The following PEAK1 variants were observed in gnomAD, a reference collection of about 807,000 sequenced individuals.
The protein encoded by PEAK1 is pseudopodium enriched atypical kinase 1.
In PEAK1, 54 loss-of-function variants were observed where a neutral mutation model predicts 124.7. That is an observed-to-expected ratio of 0.43 (90% CI 0.35 to 0.54). The LOEUF is 0.54. PEAK1 is among the 20% of genes least tolerant of loss of function. The pLI, the probability that PEAK1 is intolerant of heterozygous loss-of-function variation, is 0.01. For synonymous variants in PEAK1, 719 were observed against 760.0 expected, an observed-to-expected ratio of 0.95 and a Z score of 0.89; for missense variants, 2,046 against 2,134.5, an observed-to-expected ratio of 0.96 and a Z score of 0.82.
chr15:77,312,551 C>T (rs1292674377), intron 2 of PEAK1, among the ~76,000 whole-genome samples: 1 of 152,228 alleles, frequency 6.6e-6, no homozygotes, highest in Admixed American at 6.5e-5. Context: ...AATTTAAACA[C>T]ACAGGATTTT....
At position 77,108,366 on chromosome 15, in the gene PEAK1, C is replaced by A. The variant is rs986798832; in HGVS notation, c.*5790G>T. ...AAGATTTTCAAATACAGAGTGTGGG[C>A]AGGGCCAGAGAGAATTAAAGAGAGA... On this transcript the variant is annotated 3_prime_UTR_variant, in exon 10 of 10. Coordinates refer to ENST00000682557, the MANE Select transcript of PEAK1 (RefSeq NM_001385026.1). The A allele has an allele frequency of 9.9e-5, 15 of 152,168 alleles. No individual in the cohort carries two copies. Among genetic ancestry groups the A allele is most frequent in the African/African-American group, 3.6e-4 (15 of 41,434 alleles). 9.4% of individuals were successfully genotyped at this position (152,168 alleles called of 1,614,324 possible).
intron 5 of PEAK1, among the ~76,000 whole-genome samples, chr15:77,253,389 C>A (rs919020424): frequency 3.9e-5 from 6 of 152,076 alleles, no homozygotes; most frequent in African/African-American, 1.4e-4. Flanking sequence ...TACCATTCAA[C>A]TTTTGTTTTA....
chr15:77,338,605 TA>T (rs1045897477), intron 2 of PEAK1, among the ~76,000 whole-genome samples: 12 of 142,522 alleles, frequency 8.4e-5, no homozygotes, highest in African/African-American at 2.9e-4. Flanking sequence ...ATATACATTC[TA>T]AAAAACATAC....
At chr15:77,157,786 C>T (rs2055286928) in intron 8 of PEAK1, 2 of 152,172 alleles carry the variant, frequency 1.3e-5, no homozygotes, top group South Asian at 4.1e-4. Flanking sequence ...TTGAGGCCTC[C>T]CTTTCTCATG....
At chr15:77,347,198 A>G in intron 2 of PEAK1, 1 of 978,100 alleles carries the variant, frequency 1.0e-6, no homozygotes, top group Non-Finnish European at 1.2e-6. Context: ...GGCAGAAGAT[A>G]AGATCTCTTC....
chr15:77,229,873 T>C (rs989242363), intron 6 of PEAK1, among the ~76,000 whole-genome samples: 6 of 151,962 alleles, frequency 3.9e-5, no homozygotes, highest in Non-Finnish European at 8.8e-5. Context: ...TCTCACACTC[T>C]CAACCTCAGG....
In PEAK1 at chr15:77,354,534, TC is replaced by T. The variant is rs539438843; in HGVS notation, c.-603+10628del. The stretch of plus-strand genomic sequence containing the variant: ...GTGAGAATCCTTCAAGAGCTCCCAA[TC>T]AAAACCCTTTGATACAGCTTACAGG... On this transcript the variant is annotated intron_variant, in intron 2 of 9. Transcript: ENST00000682557. 8.7e-3 allele frequency among the ~76,000 whole-genome samples: 1,329 copies of T among 152,312 alleles called. 7 individuals are homozygous for T. The highest frequency in any genetic ancestry group is 0.014 in the Non-Finnish European group (986 of 68,020).
chr15:77,223,530 T>C lies in PEAK1; in HGVS notation c.-115+28837A>G, dbSNP rs561306967. Among the ~76,000 whole-genome samples the C allele has an allele frequency of 2.3e-3, 345 of 152,194 alleles. 2 individuals carry two copies. Among genetic ancestry groups the C allele is most frequent in the Non-Finnish European group, 2.2e-3 (149 of 67,968 alleles). On this transcript the variant is annotated intron_variant, in intron 6 of 9. Transcript: ENST00000682557. Reference sequence around the variant, plus strand: ...CCCACAAAACACATTTGTGTGTGTGTCGACAGTAGTCTCTAATACTGTGGC... The same window carrying C: ...CCCACAAAACACATTTGTGTGTGTGCCGACAGTAGTCTCTAATACTGTGGC...
At chr15:77,324,216 G>A (rs149586577) in intron 2 of PEAK1, among the ~76,000 whole-genome samples, 16 of 152,172 alleles carry the variant, frequency 1.1e-4, no homozygotes, top group Non-Finnish European at 1.6e-4. Context: ...GATGGCTCAC[G>A]CCTGTAATCC....
chr15:77,231,205 T>C (rs911901143), intron 6 of PEAK1, among the ~76,000 whole-genome samples: 1 of 151,990 alleles, frequency 6.6e-6, no homozygotes, highest in African/African-American at 2.4e-5. Context: ...TAATTGAGAA[T>C]AGATGTGGGG....
intron 6 of PEAK1, among the ~76,000 whole-genome samples, chr15:77,217,954 T>C (rs2059221357): frequency 6.6e-6 from 1 of 152,202 alleles, no homozygotes; most frequent in African/African-American, 2.4e-5. Context: ...GAAGTGATTT[T>C]TGTCTATTGA....
chr15:77,407,995 ATACACACACG>A (rs1227146148), intron 1 of PEAK1, among the ~76,000 whole-genome samples: 1 of 151,288 alleles, frequency 6.6e-6, no homozygotes, highest in East Asian at 1.9e-4. Flanking sequence ...ATATATACAC[ATACACACACG>A]TACACATATA....
At chr15:77,355,402 C>T (rs1446175215) in intron 2 of PEAK1, among the ~76,000 whole-genome samples, 1 of 152,072 alleles carries the variant, frequency 6.6e-6, no homozygotes, top group African/African-American at 2.4e-5. Flanking sequence ...AATTCATGGG[C>T]CATTTTGGGC....
At chr15:77,399,984 C>T (rs139760922) in intron 1 of PEAK1, among the ~76,000 whole-genome samples, 1 of 152,118 alleles carries the variant, frequency 6.6e-6, no homozygotes, top group Admixed American at 6.5e-5. Context: ...ATCTAATAAT[C>T]TGATTTTAAA....
chr15:77,274,047 T>C (rs186878974), intron 5 of PEAK1, among the ~76,000 whole-genome samples: 71 of 152,194 alleles, frequency 4.7e-4, no homozygotes, highest in African/African-American at 1.7e-3. Flanking sequence ...ATTCAACAAA[T>C]GGTGCTGGGA....
Position 77,181,724 on chromosome 15 carries a change from T to A in PEAK1, c.203A>T (p.Lys68Ile), listed in dbSNP as rs1342057096. 6.2e-7 allele frequency: 1 copy of A among 1,614,070 alleles called. No homozygotes were observed. Among genetic ancestry groups the A allele is most frequent in the Admixed American group, 1.7e-5 (1 of 60,002 alleles). The change falls in exon 7 of 10, where the codon AAA becomes ATA. Residue 68 changes from lysine to isoleucine, a missense_variant. Physicochemically the swap from Lys to Ile is moderately radical, Grantham distance 102. Transcript: ENST00000682557. ...TGNFRPPVAK[K>I]PTIAVKPTMI... ...AGTGGGCTTCACAGCTATAGTGGGT[T>A]TTTTAGCCACAGGAGGCCGGAAATT...
intron 7 of PEAK1, among the ~76,000 whole-genome samples, chr15:77,159,553 A>G (rs1202173225): frequency 2.0e-5 from 3 of 152,178 alleles, no homozygotes; most frequent in Non-Finnish European, 4.4e-5. Context: ...ATTCAAAATC[A>G]TGCATCTTTA....
chr15:77,137,535 T>C lies in PEAK1; in HGVS notation c.3332-3785A>G, dbSNP rs371468399. Among the ~76,000 whole-genome samples, 16 of 152,326 alleles carry C rather than the reference T, an allele frequency of 1.1e-4. No individual in the cohort carries two copies. In the East Asian group the frequency reaches 2.3e-3, roughly 22 times the overall value. On this transcript the variant is annotated intron_variant, in intron 8 of 9. Coordinates refer to ENST00000682557, the MANE Select transcript of PEAK1 (RefSeq NM_001385026.1). ...GGGAGATCATTTGGGAACTTTAAGA[T>C]TTGACTGCCCCGCTGGATTTCGGAC...
At chr15:77,178,030 A>G (rs2056990087) in intron 7 of PEAK1, 2 of 152,190 alleles carry the variant, frequency 1.3e-5, no homozygotes, top group African/African-American at 4.8e-5. Context: ...TCATCTGAAG[A>G]ATATAGCAAA....
Sources: allele counts gnomAD v4.1 joint callset (sites outside exome capture counted in the v4.1 genomes callset), GRCh38; gene constraint gnomAD v4.1.1; transcripts MANE v1.5; gene names NCBI Gene and HGNC (gene_info 2026-07-23, HGNC 2026-07-21).